Variants in SELENOI observed in about 807,000 individuals in gnomAD.
SELENOI encodes ethanolaminephosphotransferase 1.
A neutral mutation model predicts 50.7 loss-of-function variants in SELENOI; 24 were observed. The ratio of observed to expected loss-of-function variants is 0.47; its 90% CI spans 0.34 to 0.67. The LOEUF (loss-of-function observed/expected upper bound fraction) is 0.67. Among genes scored for constraint, SELENOI ranks in the 30% least tolerant of loss-of-function variants. The pLI, the probability that SELENOI is intolerant of heterozygous loss-of-function variation, is 0.01. For synonymous variants in SELENOI, 155 were observed against 170.2 expected, an observed-to-expected ratio of 0.91 and a Z score of 0.70; for missense variants, 352 against 461.4, an observed-to-expected ratio of 0.76 and a Z score of 2.17.
At chr2:26,357,441 A>G (rs975287823) in intron 1 of SELENOI, among the ~76,000 whole-genome samples, 1 of 152,192 alleles carries the variant, frequency 6.6e-6, no homozygotes, top group Non-Finnish European at 1.5e-5. Flanking sequence ...TAAGGCTGCC[A>G]TAAAAATTAC....
chr2:26,390,680 G>A lies in SELENOI; in HGVS notation c.*1577G>A, dbSNP rs1677944482. On this transcript the variant is annotated 3_prime_UTR_variant, in exon 10 of 10. Transcript: ENST00000260585. ...ATTTTAAGAAATTGTAAAGGTTGAG[G>A]TGTATTTGGTGACTTTCTCTGAGAC... The A allele has an allele frequency of 6.6e-6, 1 of 152,182 alleles. No individual in the cohort carries two copies. The highest frequency in any genetic ancestry group is 2.4e-5 in the African/African-American group (1 of 41,440). 9.4% of individuals were successfully genotyped at this position (152,182 alleles called of 1,614,324 possible).
chr2:26,371,036 T>A (rs1574757934), intron 4 of SELENOI, among the ~76,000 whole-genome samples: 2 of 119,980 alleles, frequency 1.7e-5, no homozygotes, highest in African/African-American at 3.1e-5. Context: ...GGCTCCTCAC[T>A]TCCCAGTAGG....
At position 26,393,365 on chromosome 2, in the gene SELENOI, ATAGATAG is replaced by A; in HGVS notation, c.*4265_*4271del. 1 of 152,794 alleles carries A rather than the reference ATAGATAG, an allele frequency of 6.5e-6. No homozygotes were observed. Among genetic ancestry groups the A allele is most frequent in the South Asian group, 2.1e-4 (1 of 4,828 alleles). The allele number at this position is 152,794 out of a possible 1,614,324, so 9.5% of individuals were successfully genotyped here. A position where few individuals can be genotyped will look rare whatever the true frequency, so the allele number is the denominator to read the frequency against. ...TTGCTCTTTAGTAAACAAATATGCA[ATAGATAG>A]TAATCTATCTACTTTTTTTAAAGCA... On this transcript the variant is annotated 3_prime_UTR_variant, in exon 10 of 10. Transcript: ENST00000260585.
intron 1 of SELENOI, among the ~76,000 whole-genome samples, chr2:26,353,940 C>T (rs1046821659): frequency 4.6e-5 from 7 of 152,050 alleles, no homozygotes; most frequent in Admixed American, 1.3e-4. Flanking sequence ...CAAAGACACC[C>T]GTGGGAACCA....
At chr2:26,361,456 T>C (rs951238588) in intron 1 of SELENOI, among the ~76,000 whole-genome samples, 4 of 152,220 alleles carry the variant, frequency 2.6e-5, no homozygotes, top group Non-Finnish European at 5.9e-5. Flanking sequence ...TTTATGTGAA[T>C]TTGGTCTCTC....
intron 1 of SELENOI, 185 bp downstream of exon 1, chr2:26,346,474 C>T: frequency 1.6e-6 from 1 of 637,428 alleles, no homozygotes; most frequent in Non-Finnish European, 2.5e-6. Context: ...ATCCTAAGCC[C>T]GCCGCCCGTA....
At chr2:26,379,789 T>A (rs1327674579) in intron 6 of SELENOI, among the ~76,000 whole-genome samples, 1 of 152,174 alleles carries the variant, frequency 6.6e-6, no homozygotes, top group Non-Finnish European at 1.5e-5. Flanking sequence ...GCAAATTTGG[T>A]AGTACAGAAT....
At chr2:26,357,622 T>C (rs1425954264) in intron 1 of SELENOI, among the ~76,000 whole-genome samples, 1 of 152,250 alleles carries the variant, frequency 6.6e-6, no homozygotes, top group Non-Finnish European at 1.5e-5. Flanking sequence ...TGCCTGGGCC[T>C]GTGGCAGCGT....
Position 26,380,384 on chromosome 2 carries a change from T to G in SELENOI, c.683-2915T>G, listed in dbSNP as rs78094695. Reference sequence around the variant, plus strand: ...ATTCCATTCTATATGTACTGTACTATGTACTGTGCCTTTTTTCCTCCCCCC... The same window carrying G: ...ATTCCATTCTATATGTACTGTACTAGGTACTGTGCCTTTTTTCCTCCCCCC... On this transcript the variant is annotated intron_variant, in intron 6 of 9. Coordinates refer to ENST00000260585, the MANE Select transcript of SELENOI (RefSeq NM_033505.4). Among the ~76,000 whole-genome samples, 779 of 152,338 alleles carry G rather than the reference T, an allele frequency of 5.1e-3. 25 individuals carry two copies. The South Asian group carries it at 0.079, about 16-fold the overall frequency.
rs1008402223 is a variant in SELENOI, at chr2:26,391,372, A to G, written c.*2269A>G. 6.6e-5 allele frequency: 10 copies of G among 152,206 alleles called. No individual in the cohort carries two copies. Among genetic ancestry groups the G allele is most frequent in the Non-Finnish European group, 1.3e-4 (9 of 68,032 alleles). 9.4% of individuals were successfully genotyped at this position (152,206 alleles called of 1,614,324 possible). On this transcript the variant is annotated 3_prime_UTR_variant, in exon 10 of 10. Coordinates refer to ENST00000260585, the MANE Select transcript of SELENOI (RefSeq NM_033505.4). The stretch of plus-strand genomic sequence containing the variant: ...TTTTGTCTGCCATTCTTGAAAGTGC[A>G]TCTTGAGAGCCCCCATTTGTTGTGT...
chr2:26,371,223 G>T (rs564239027), intron 4 of SELENOI, among the ~76,000 whole-genome samples: 233 of 151,490 alleles, frequency 1.5e-3, no homozygotes, highest in Admixed American at 2.6e-3. Context: ...TCCCAGACGG[G>T]GTGGCTGCCA....
chr2:26,371,228 C>T (rs1420303692), intron 4 of SELENOI, among the ~76,000 whole-genome samples: 1 of 150,972 alleles, frequency 6.6e-6, no homozygotes, highest in African/African-American at 2.5e-5. Context: ...GACGGGGTGG[C>T]TGCCAGGCGG....
In SELENOI at chr2:26,346,384, CG is replaced by C. The variant is rs1418040667; in HGVS notation, c.57+96del. On this transcript the variant is annotated intron_variant, in intron 1 of 9. Transcript: ENST00000260585. Reference sequence around the variant, plus strand: ...GCGCGGTCCGTGTCACCTTGTGCCGCGTGGCTCCGGGCGGGCTGGCGGGCGT... The same window carrying C: ...GCGCGGTCCGTGTCACCTTGTGCCGCTGGCTCCGGGCGGGCTGGCGGGCGT... The C allele has an allele frequency of 2.2e-6, 3 of 1,386,328 alleles. No individual in the cohort carries two copies. The East Asian group carries it at 8.2e-5, about 38-fold the overall frequency. The allele number at this position is 1,386,328 out of a possible 1,614,324, so 85.9% of individuals were successfully genotyped here.
At chr2:26,356,872 C>G (rs1677074773) in intron 1 of SELENOI, among the ~76,000 whole-genome samples, 1 of 152,114 alleles carries the variant, frequency 6.6e-6, no homozygotes, top group South Asian at 2.1e-4. Context: ...TTCAGCATTT[C>G]TGATACTTCT....
intron 5 of SELENOI, among the ~76,000 whole-genome samples, chr2:26,373,943 G>A (rs750724726): frequency 1.3e-5 from 2 of 152,006 alleles, no homozygotes; most frequent in African/African-American, 2.4e-5. Context: ...GTAGAGACAG[G>A]GTTTCACTAT....
Position 26,385,157 on chromosome 2 carries a change from TA to T in SELENOI, c.912+23del. 7.2e-7 allele frequency: 1 copy of T among 1,380,270 alleles called. No individual in the cohort carries two copies. The highest frequency in any genetic ancestry group is 9.7e-7 in the Non-Finnish European group (1 of 1,034,060). The allele number at this position is 1,380,270 out of a possible 1,614,324, so 85.5% of individuals were successfully genotyped here. On this transcript the variant is annotated intron_variant, in intron 8 of 9. Coordinates refer to ENST00000260585, the MANE Select transcript of SELENOI (RefSeq NM_033505.4). ...ACAGTACAGTAAGATTTTTTTCTTT[TA>T]AAAATCATAATATATATTAGGATTG...
intron 1 of SELENOI, among the ~76,000 whole-genome samples, chr2:26,353,432 A>T (rs1216252045): frequency 6.6e-6 from 1 of 152,156 alleles, no homozygotes; most frequent in Non-Finnish European, 1.5e-5. Context: ...GAAATTCTTG[A>T]TATTTTGATT....
rs1185091331 is a variant in SELENOI, at chr2:26,395,639, G to A, written c.*6536G>A. 2.0e-5 allele frequency: 3 copies of A among 152,594 alleles called. No homozygotes were observed. The highest frequency in any genetic ancestry group is 4.8e-5 in the African/African-American group (2 of 41,422). The allele number at this position is 152,594 out of a possible 1,614,324, so 9.5% of individuals were successfully genotyped here. ...ATGTGATGTACAAAGAGAGTATGCC[G>A]ATGCATTTCATTGTTTTTGCATTAT... On this transcript the variant is annotated 3_prime_UTR_variant, in exon 10 of 10. Transcript: ENST00000260585.
At position 26,394,712 on chromosome 2, in the gene SELENOI, A is replaced by T. The variant is rs1045824946; in HGVS notation, c.*5609A>T. On this transcript the variant is annotated 3_prime_UTR_variant, in exon 10 of 10. Coordinates refer to ENST00000260585, the MANE Select transcript of SELENOI (RefSeq NM_033505.4). The surrounding 1 kb of genome is among the most constrained non-coding windows in gnomAD (Gnocchi z 4.1). ...AGGCAATGAATGATTGCCAACATGTAAACTCCCTGCTGCCCGCCTTCCCCC... is the reference window on the plus strand; with the variant it reads ...AGGCAATGAATGATTGCCAACATGTTAACTCCCTGCTGCCCGCCTTCCCCC... 3 of 152,150 alleles carry T rather than the reference A, an allele frequency of 2.0e-5. No individual in the cohort carries two copies. The highest frequency in any genetic ancestry group is 6.5e-5 in the Admixed American group (1 of 15,276). 9.4% of individuals were successfully genotyped at this position (152,150 alleles called of 1,614,324 possible). A position where few individuals can be genotyped will look rare whatever the true frequency, so the allele number is the denominator to read the frequency against.
Sources: allele counts gnomAD v4.1 joint callset (sites outside exome capture counted in the v4.1 genomes callset), GRCh38; gene constraint gnomAD v4.1.1; non-coding constraint Gnocchi (gnomAD v3.1); transcripts MANE v1.5; gene names NCBI Gene and HGNC (gene_info 2026-07-23, HGNC 2026-07-21).